Variants in GALNT13 observed in about 807,000 individuals in gnomAD.
GALNT13 encodes the protein UDP-GalNAc:polypeptide N-acetylgalactosaminyltransferase 13.
In GALNT13, 28 loss-of-function variants were observed where a neutral mutation model predicts 64.2. The ratio of observed to expected loss-of-function variants is 0.44; its 90% confidence interval spans 0.32 to 0.60. GALNT13 has a LOEUF of 0.60. Among genes scored for constraint, GALNT13 ranks in the 20% least tolerant of loss-of-function variants. The probability of loss-of-function intolerance (pLI) is 0.05; values close to 1 mark genes in which losing one functional copy is unlikely to be tolerated. For synonymous variants in GALNT13, 214 were observed against 224.6 expected, an observed-to-expected ratio of 0.95 and a Z score of 0.42; for missense variants, 577 against 669.8, an observed-to-expected ratio of 0.86 and a Z score of 1.53.
chr2:154,438,720 T>G lies in GALNT13; in HGVS notation c.1524T>G (p.Asp508Glu). ...GAGGAAATCAGTTATGGGAATATGA[T>G]GCTGAGGTATAGTATTTTCTTAATT... ...HMRGNQLWEYDAERLTLRHVN... is the reference protein window; with the variant it reads ...HMRGNQLWEYEAERLTLRHVN... The change falls in exon 12 of 13, where the codon GAT becomes GAG. Residue 508 changes from aspartate to glutamate, a missense_variant. Coordinates refer to ENST00000392825, the MANE Select transcript of GALNT13 (RefSeq NM_052917.4). The G allele has an allele frequency of 6.2e-7, 1 of 1,606,314 alleles. No homozygotes were observed. Among genetic ancestry groups the G allele is most frequent in the East Asian group, 2.2e-5 (1 of 44,750 alleles).
chr2:153,713,673 G>A, the GALNT13 span, among the ~76,000 whole-genome samples: 5 of 152,226 alleles, frequency 3.3e-5, no homozygotes, highest in East Asian at 1.9e-4. Flanking sequence ...AAGTAGTTAC[G>A]GGGTTTCGCC....
At chr2:154,422,660 A>G (rs1700304340) in intron 11 of GALNT13, among the ~76,000 whole-genome samples, 1 of 152,138 alleles carries the variant, frequency 6.6e-6, no homozygotes, top group African/African-American at 2.4e-5. Flanking sequence ...TATGACTGTA[A>G]TATGCAAAAT....
chr2:153,654,375 A>G, the GALNT13 span, among the ~76,000 whole-genome samples: 1 of 152,114 alleles, frequency 6.6e-6, no homozygotes, highest in African/African-American at 2.4e-5. Context: ...AGTATTGATG[A>G]TATTATGAAA....
At chr2:153,778,729 C>T in the GALNT13 span, among the ~76,000 whole-genome samples, 1 of 152,208 alleles carries the variant, frequency 6.6e-6, no homozygotes, top group Non-Finnish European at 1.5e-5. Context: ...ATCTCAACTT[C>T]TAAACTTTTT....
At chr2:153,075,285 A>T in the GALNT13 span, among the ~76,000 whole-genome samples, 312 of 152,294 alleles carry the variant, frequency 2.0e-3, no homozygotes, top group African/African-American at 6.3e-3. Flanking sequence ...CACTGTGTGT[A>T]GGCTTATTCA....
At chr2:153,820,136 G>T in the GALNT13 span, among the ~76,000 whole-genome samples, 1 of 152,160 alleles carries the variant, frequency 6.6e-6, no homozygotes, top group South Asian at 2.1e-4. Flanking sequence ...CTAAGCAGAA[G>T]AAGCAATTTC....
At chr2:153,448,587 A>T in the GALNT13 span, among the ~76,000 whole-genome samples, 1 of 152,156 alleles carries the variant, frequency 6.6e-6, no homozygotes, top group African/African-American at 2.4e-5. Context: ...CACATATTTC[A>T]CCAAGTTATA....
chr2:153,530,404 A>G, the GALNT13 span, among the ~76,000 whole-genome samples: 1,305 of 152,250 alleles, frequency 8.6e-3, 14 homozygotes, highest in African/African-American at 0.03. Flanking sequence ...TTCCATGCTC[A>G]TGGATTAGAT....
the GALNT13 span, among the ~76,000 whole-genome samples, chr2:153,866,416 A>T: frequency 6.6e-6 from 1 of 152,180 alleles, no homozygotes; most frequent in African/African-American, 2.4e-5. Context: ...CCCTTTATAA[A>T]CAAATAAATC....
the GALNT13 span, among the ~76,000 whole-genome samples, chr2:153,586,434 G>A: frequency 6.6e-6 from 1 of 152,086 alleles, no homozygotes; most frequent in African/African-American, 2.4e-5. Flanking sequence ...GTTAAAAACA[G>A]TAAAAAGAAA....
the GALNT13 span, among the ~76,000 whole-genome samples, chr2:153,673,416 A>G: frequency 1.3e-5 from 2 of 152,232 alleles, no homozygotes; most frequent in African/African-American, 4.8e-5. Flanking sequence ...ACGCAAATCA[A>G]TAAACGTAAT....
intron 10 of GALNT13, among the ~76,000 whole-genome samples, chr2:154,401,914 A>G (rs1216471391): frequency 1.3e-5 from 2 of 152,140 alleles, no homozygotes; most frequent in East Asian, 1.9e-4. Flanking sequence ...GTTTCAGTAT[A>G]CAGATTTTGT....
intron 9 of GALNT13, among the ~76,000 whole-genome samples, chr2:154,387,233 G>C (rs901416912): frequency 1.3e-5 from 2 of 151,866 alleles, no homozygotes; most frequent in African/African-American, 4.8e-5. Flanking sequence ...AAACAACAAT[G>C]ATAATTCCAA....
At chr2:153,449,002 C>T in the GALNT13 span, among the ~76,000 whole-genome samples, 1 of 152,110 alleles carries the variant, frequency 6.6e-6, no homozygotes, top group Non-Finnish European at 1.5e-5. Flanking sequence ...CTGTCTCTCT[C>T]TCCCTGTTTT....
the GALNT13 span, among the ~76,000 whole-genome samples, chr2:153,282,309 A>T: frequency 6.6e-6 from 1 of 152,050 alleles, no homozygotes; most frequent in East Asian, 1.9e-4. Flanking sequence ...GTTGATTTTC[A>T]ATGTTGTCTT....
chr2:154,391,320 G>C (rs181400439), intron 9 of GALNT13, among the ~76,000 whole-genome samples: 33 of 152,266 alleles, frequency 2.2e-4, no homozygotes, highest in Admixed American at 2.0e-3. Flanking sequence ...TTATATGTAA[G>C]GAATTGAAAT....
intron 3 of GALNT13, among the ~76,000 whole-genome samples, chr2:154,005,030 G>A (rs1164816271): frequency 6.6e-6 from 1 of 152,058 alleles, no homozygotes; most frequent in Non-Finnish European, 1.5e-5. Context: ...TTCCATCACT[G>A]TGCAGAAAAT....
chr2:153,966,524 C>A (rs938570164), intron 3 of GALNT13, among the ~76,000 whole-genome samples: 1 of 151,910 alleles, frequency 6.6e-6, no homozygotes, highest in Non-Finnish European at 1.5e-5. Context: ...CGCCAAAACG[C>A]CTGGCTAATT....
At chr2:153,295,279 T>C in the GALNT13 span, among the ~76,000 whole-genome samples, 2 of 152,150 alleles carry the variant, frequency 1.3e-5, no homozygotes, top group Non-Finnish European at 2.9e-5. Flanking sequence ...ATACATGATC[T>C]CAGTACCTCA....
Sources: gnomAD v4.1 joint callset for allele counts (sites outside exome capture counted in the v4.1 genomes callset) on GRCh38, gnomAD v4.1.1 for gene constraint, MANE v1.5 for transcripts, NCBI Gene and HGNC (gene_info 2026-07-23, HGNC 2026-07-21) for gene names.